BOLL: variants seen among roughly 807,000 people sequenced by gnomAD.
BOLL encodes protein boule-like.
Under a neutral mutation model 44.4 loss-of-function variants are expected in BOLL, and 23 were observed. That is an observed-to-expected ratio of 0.52 (90% CI 0.37 to 0.73). The LOEUF is 0.73. Among genes scored for constraint, BOLL ranks in the 30% least tolerant of loss-of-function variants. The pLI is 0.00. For missense variants in BOLL, 287 were observed against 338.3 expected (o/e 0.85, Z 1.19); for synonymous variants, 97 against 110.8 (o/e 0.88, Z 0.78).
At chr2:197,769,421 T>G (rs942846763) in intron 6 of BOLL, among the ~76,000 whole-genome samples, 3 of 152,150 alleles carry the variant, frequency 2.0e-5, no homozygotes, top group Non-Finnish European at 4.4e-5. Flanking sequence ...TTTATCCATT[T>G]CTTCTAGATT....
At chr2:197,764,912 T>C (rs1688921743) in intron 7 of BOLL, among the ~76,000 whole-genome samples, 1 of 151,964 alleles carries the variant, frequency 6.6e-6, no homozygotes, top group Non-Finnish European at 1.5e-5. Flanking sequence ...AGTAAGCTGG[T>C]TTACAGATGT....
intron 10 of BOLL, among the ~76,000 whole-genome samples, chr2:197,732,535 G>C (rs1437923900): frequency 4.6e-5 from 7 of 151,998 alleles, no homozygotes; most frequent in Middle Eastern, 3.4e-3. Flanking sequence ...CAATATCCTT[G>C]ATGAACATTG....
Position 197,743,396 on chromosome 2 carries a change from G to A in BOLL, c.730-237C>T, listed in dbSNP as rs569962962. ...AGTCAGAATGATCATAAATCCTATAGACATGTATAGGGATGCAACAGGCAA... is the reference window on the plus strand; with the variant it reads ...AGTCAGAATGATCATAAATCCTATAAACATGTATAGGGATGCAACAGGCAA... On this transcript the variant is annotated intron_variant, in intron 9 of 10. Coordinates refer to ENST00000392296, the MANE Select transcript of BOLL (RefSeq NM_033030.6). 6.6e-5 allele frequency among the ~76,000 whole-genome samples: 10 copies of A among 152,288 alleles called. No individual in the cohort carries two copies. In the South Asian group the frequency reaches 2.1e-3, roughly 32 times the overall value.
chr2:197,775,823 A>G (rs1184066675), intron 4 of BOLL, 83 bp from the exon 5 acceptor site: 5 of 794,080 alleles, frequency 6.3e-6, no homozygotes, highest in Non-Finnish European at 9.4e-6. Context: ...GTTAGAAAGA[A>G]TTTCAAAAAT....
chr2:197,742,135 A>C (rs529860320), intron 10 of BOLL, among the ~76,000 whole-genome samples: 1 of 152,334 alleles, frequency 6.6e-6, no homozygotes, highest in African/African-American at 2.4e-5. Flanking sequence ...CACCAGTTAG[A>C]ATGGCGATCA....
At chr2:197,764,485 C>G (rs1404096226) in intron 7 of BOLL, among the ~76,000 whole-genome samples, 1 of 152,026 alleles carries the variant, frequency 6.6e-6, no homozygotes, top group African/African-American at 2.4e-5. Context: ...AGCTAAAAAA[C>G]ACTGATCTCA....
At chr2:197,756,916 A>G (rs1688541798) in intron 8 of BOLL, among the ~76,000 whole-genome samples, 1 of 152,174 alleles carries the variant, frequency 6.6e-6, no homozygotes, top group African/African-American at 2.4e-5. Flanking sequence ...TGTGACTTCT[A>G]ATGAAAGTGG....
intron 9 of BOLL, among the ~76,000 whole-genome samples, chr2:197,751,616 A>G (rs1293102773): frequency 1.3e-5 from 2 of 152,222 alleles, no homozygotes; most frequent in Non-Finnish European, 2.9e-5. Flanking sequence ...ATCCCTGAAT[A>G]GGCCAATAAC....
chr2:197,748,534 C>T (rs567237578), intron 9 of BOLL, among the ~76,000 whole-genome samples: 1 of 152,334 alleles, frequency 6.6e-6, no homozygotes, highest in Admixed American at 6.5e-5. Flanking sequence ...CTGGGATGCT[C>T]AGGCTTGGTC....
chr2:197,781,710 A>G lies in BOLL; in HGVS notation c.129+12T>C. ...TGAAAAAATACACTTTACTGCATGC[A>G]TAAATAGGTACCTTAAAATCAATTC... On this transcript the variant is annotated intron_variant, in intron 2 of 10. Transcript: ENST00000392296. 1.3e-6 allele frequency: 2 copies of G among 1,522,472 alleles called. No homozygotes were observed. The highest frequency in any genetic ancestry group is 1.8e-6 in the Non-Finnish European group (2 of 1,121,290). The allele number at this position is 1,522,472 out of a possible 1,614,324, so 94.3% of individuals were successfully genotyped here.
At chr2:197,781,619 C>A (rs1689786610) in intron 2 of BOLL, 103 bp downstream of exon 2, 3 of 1,134,290 alleles carry the variant, frequency 2.6e-6, no homozygotes, top group African/African-American at 1.6e-5. Flanking sequence ...ATCTGTTAAT[C>A]ATTATGCAAA....
chr2:197,750,903 C>T (rs1687932618), intron 9 of BOLL, among the ~76,000 whole-genome samples: 1 of 152,134 alleles, frequency 6.6e-6, no homozygotes, highest in African/African-American at 2.4e-5. Context: ...GGAAGTAAAA[C>T]ACTCCTCAGA....
At chr2:197,731,149 G>T (rs1687152218) in intron 10 of BOLL, among the ~76,000 whole-genome samples, 1 of 152,072 alleles carries the variant, frequency 6.6e-6, no homozygotes, top group African/African-American at 2.4e-5. Flanking sequence ...ACAAAAAAAG[G>T]CAGGGGTTGC....
intron 5 of BOLL, among the ~76,000 whole-genome samples, chr2:197,775,463 T>C (rs539070633): frequency 7.8e-6 from 1 of 128,974 alleles, no homozygotes; most frequent in South Asian, 2.5e-4. Flanking sequence ...AGCATCTTTA[T>C]GTATATAAAT....
chr2:197,741,503 T>C (rs1182418327), intron 10 of BOLL, among the ~76,000 whole-genome samples: 2 of 152,090 alleles, frequency 1.3e-5, no homozygotes, highest in Non-Finnish European at 2.9e-5. Context: ...TCAGAAATAA[T>C]GCCGCATATC....
chr2:197,780,423 C>T (rs1229572228), intron 2 of BOLL, among the ~76,000 whole-genome samples: 1 of 151,992 alleles, frequency 6.6e-6, no homozygotes, highest in Non-Finnish European at 1.5e-5. Context: ...TGATGGGCTT[C>T]AGTAACCTAA....
At chr2:197,746,668 G>A (rs539307929) in intron 9 of BOLL, among the ~76,000 whole-genome samples, 2 of 152,198 alleles carry the variant, frequency 1.3e-5, no homozygotes, top group African/African-American at 2.4e-5. Context: ...TTTGGAGGCC[G>A]AGGCAGGCGG....
rs773979592 is a variant in BOLL, at chr2:197,728,570, C to T, written c.837G>A (p.Trp279Ter). ...VMQPEPIKTV[W>*]SIHY ...CCCAATTGTCTTAATAATGAATGCT[C>T]CACACTGTCTGTTAAGTAAAGAGAA... is the stretch of plus-strand genomic sequence containing the variant. The change falls in exon 11 of 11, where the codon TGG becomes TGA. Residue 279 changes from tryptophan (W) to a stop codon, truncating the protein, a stop_gained. Coordinates refer to ENST00000392296, the MANE Select transcript of BOLL (RefSeq NM_033030.6). LOFTEE classifies it high-confidence loss of function. 1.9e-6 allele frequency: 3 copies of T among 1,607,160 alleles called. No individual in the cohort carries two copies. The highest frequency in any genetic ancestry group is 1.1e-5 in the South Asian group (1 of 90,638).
intron 10 of BOLL, 57 bp downstream of exon 10, chr2:197,743,004 A>G (rs574549102): frequency 1.5e-6 from 2 of 1,362,794 alleles, no homozygotes; most frequent in African/African-American, 1.5e-5. Context: ...AGAAAGTTGG[A>G]AAACTTGAAA....
Sources: gnomAD v4.1 joint callset for allele counts (sites outside exome capture counted in the v4.1 genomes callset) on GRCh38, gnomAD v4.1.1 for gene constraint, MANE v1.5 for transcripts, NCBI Gene and HGNC (gene_info 2026-07-23, HGNC 2026-07-21) for gene names.